Variants in NDUFAF6 observed in about 807,000 individuals in gnomAD.
NDUFAF6 encodes NADH dehydrogenase (ubiquinone) complex I, assembly factor 6.
Under a neutral mutation model 40.8 loss-of-function variants are expected in NDUFAF6, and 45 were observed. The observed-to-expected ratio is 1.10, with a 90% confidence interval of 0.87 to 1.42. The LOEUF (loss-of-function observed/expected upper bound fraction) is 1.42. NDUFAF6 is among the 40% of genes most tolerant of loss of function. The pLI is 0.00. For synonymous variants in NDUFAF6, 185 were observed against 155.9 expected, an observed-to-expected ratio of 1.19 and a Z score of -1.39; for missense variants, 435 against 418.5, an observed-to-expected ratio of 1.04 and a Z score of -0.34.
chr8:94,990,767 A>G (rs1286717639), intron 2 of NDUFAF6, among the ~76,000 whole-genome samples: 1 of 152,234 alleles, frequency 6.6e-6, no homozygotes, highest in East Asian at 1.9e-4. Context: ...TTGACAAATG[A>G]GACTTCCTCA....
chr8:95,029,946 C>T (rs1018857321), intron 1 of NDUFAF6, among the ~76,000 whole-genome samples: 3 of 152,082 alleles, frequency 2.0e-5, no homozygotes, highest in Admixed American at 2.0e-4. Context: ...GAAGTGCATA[C>T]TTACTTCGTG....
chr8:95,046,913 T>G lies in NDUFAF6; in HGVS notation c.581-81T>G, dbSNP rs186640278. 5.1e-6 allele frequency: 8 copies of G among 1,579,242 alleles called. No individual in the cohort carries two copies. The South Asian group carries it at 7.8e-5, about 15-fold the overall frequency. Reference sequence around the variant, plus strand: ...GGATAAATGTCTCCTTTTACATGTTTAGGTTATTTCTCTATGCTATTTCTA... The same window carrying G: ...GGATAAATGTCTCCTTTTACATGTTGAGGTTATTTCTCTATGCTATTTCTA... On this transcript the variant is annotated intron_variant, in intron 5 of 8. Transcript: ENST00000396124.
chr8:95,086,560 ACCTC>A (rs1809048596), intron 2 of NDUFAF6, among the ~76,000 whole-genome samples: 1 of 146,870 alleles, frequency 6.8e-6, no homozygotes, highest in Admixed American at 6.8e-5. Context: ...GACAAAAGGC[ACCTC>A]CCTCCTTCCT....
chr8:94,954,304 G>T (rs932900636), upstream of NDUFAF6, among the ~76,000 whole-genome samples: 1 of 151,690 alleles, frequency 6.6e-6, no homozygotes, highest in Non-Finnish European at 1.5e-5. Flanking sequence ...CTCATGATCC[G>T]CCCGCCTCAG....
In NDUFAF6 at chr8:95,032,028, G is replaced by C. The variant is rs543121517; in HGVS notation, c.231G>C (p.Leu77=). 6.2e-7 allele frequency: 1 copy of C among 1,614,138 alleles called. No homozygotes were observed. Among genetic ancestry groups the C allele is most frequent in the Admixed American group, 1.7e-5 (1 of 60,020 alleles). The change falls in exon 2 of 9, where the codon CTG becomes CTC. Residue 77 remains leucine (L), a synonymous_variant. Transcript: ENST00000396124. ...KRDYEGYLCS[L]LLPAESRSSV... is the part of the protein sequence containing the mutation. ...ATTATGAAGGTTATTTATGCTCCCT[G>C]CTGCTCCCTGCAGAATCCCGAAGCT...
chr8:95,091,737 T>A (rs1809258076), intron 2 of NDUFAF6, among the ~76,000 whole-genome samples: 1 of 150,860 alleles, frequency 6.6e-6, no homozygotes, highest in African/African-American at 2.4e-5. Flanking sequence ...CCTCTTGGGT[T>A]CAAGCGATCC....
At chr8:94,937,434 C>CG (rs1327625655) in intron 1 of NDUFAF6, among the ~76,000 whole-genome samples, 12 of 141,104 alleles carry the variant, frequency 8.5e-5, no homozygotes, top group African/African-American at 3.6e-4. Flanking sequence ...CAGTGAGACT[C>CG]CATCTCAAAA....
chr8:95,092,741 C>T (rs796803314), intron 2 of NDUFAF6, among the ~76,000 whole-genome samples: 2 of 152,024 alleles, frequency 1.3e-5, no homozygotes, highest in Non-Finnish European at 2.9e-5. Context: ...TGTGCCACCA[C>T]GCCCGGCTAA....
chr8:95,116,884 A>G (rs1039440235), downstream of NDUFAF6, among the ~76,000 whole-genome samples: 2 of 152,190 alleles, frequency 1.3e-5, no homozygotes, highest in African/African-American at 4.8e-5. Context: ...TTGATTAAGG[A>G]TCTTGTTTCT....
chr8:94,926,057 A>G (rs1819862444), intron 1 of NDUFAF6: 1 of 152,656 alleles, frequency 6.6e-6, no homozygotes, highest in Non-Finnish European at 1.5e-5. Flanking sequence ...AATTACAAAG[A>G]ACAGGTGTTA....
At chr8:95,067,012 T>C (rs1832720764) in intron 9 of NDUFAF6, 1 of 152,222 alleles carries the variant, frequency 6.6e-6, no homozygotes, top group Non-Finnish European at 1.5e-5. Context: ...TAAACTAATA[T>C]CCATTCAAAG....
At chr8:95,050,053 A>G (rs1407472641) in intron 7 of NDUFAF6, among the ~76,000 whole-genome samples, 2 of 152,224 alleles carry the variant, frequency 1.3e-5, no homozygotes, top group Non-Finnish European at 2.9e-5. Context: ...GATAAAATAC[A>G]TGGAACTTTA....
chr8:94,963,243 C>T (rs1309156438), intron 1 of NDUFAF6, among the ~76,000 whole-genome samples: 1 of 152,198 alleles, frequency 6.6e-6, no homozygotes, highest in Non-Finnish European at 1.5e-5. Context: ...GTGGAGACTG[C>T]ATGAAAAATG....
At chr8:94,943,502 A>G (rs566423334) in intron 1 of NDUFAF6, among the ~76,000 whole-genome samples, 2 of 152,234 alleles carry the variant, frequency 1.3e-5, no homozygotes, top group South Asian at 4.2e-4. Context: ...AAAGTTATAT[A>G]TATGTATGAG....
downstream of NDUFAF6, among the ~76,000 whole-genome samples, chr8:95,105,064 CACAGAGAGAGAGAGAGAGAGAGAGAG>C (rs1201570713): frequency 4.7e-5 from 5 of 105,746 alleles, no homozygotes; most frequent in South Asian, 3.5e-4. Flanking sequence ...CACACACACA[CACAGAGAGAGAGAGAGAGAGAGAGAG>C]AGAGAGAGAG....
chr8:94,954,452 C>T (rs1822901173), upstream of NDUFAF6, among the ~76,000 whole-genome samples: 1 of 152,190 alleles, frequency 6.6e-6, no homozygotes, highest in Admixed American at 6.5e-5. Flanking sequence ...CCTCAAGAAC[C>T]TTCCATCTAG....
At chr8:94,961,542 C>T (rs1161562563) in intron 1 of NDUFAF6, among the ~76,000 whole-genome samples, 1 of 152,240 alleles carries the variant, frequency 6.6e-6, no homozygotes, top group Non-Finnish European at 1.5e-5. Flanking sequence ...CTGCCTCAGC[C>T]TCCCAGGTAG....
intron 1 of NDUFAF6, among the ~76,000 whole-genome samples, chr8:94,933,799 G>A (rs1430624664): frequency 7.6e-6 from 1 of 132,302 alleles, no homozygotes; most frequent in African/African-American, 2.7e-5. Context: ...ATACATCTGG[G>A]CATGGTGGCT....
rs1045821789 is a variant in NDUFAF6, at chr8:94,994,316, C to T, written c.-84+13343C>T. On this transcript the variant is annotated intron_variant, in intron 2 of 9. Transcript: ENST00000396111. ...CTGTAATCCCAGCACTTTGGGAGGCCGAGGCGAGTGGATCACCTGAGGTCA... is the reference window on the plus strand; with the variant it reads ...CTGTAATCCCAGCACTTTGGGAGGCTGAGGCGAGTGGATCACCTGAGGTCA... Among the ~76,000 whole-genome samples, 60 of 152,014 alleles carry T rather than the reference C, an allele frequency of 3.9e-4. 1 individual carries two copies. The highest frequency in any genetic ancestry group is 1.4e-3 in the African/African-American group (57 of 41,454).
Sources: gnomAD v4.1 joint callset for allele counts (sites outside exome capture counted in the v4.1 genomes callset) on GRCh38, gnomAD v4.1.1 for gene constraint, MANE v1.5 for transcripts, NCBI Gene and HGNC (gene_info 2026-07-23, HGNC 2026-07-21) for gene names.